Variants in ZBTB20 observed in about 807,000 individuals in gnomAD.
The protein encoded by ZBTB20 is zinc finger and BTB domain containing 20.
In ZBTB20, 9 loss-of-function variants were observed where a neutral mutation model predicts 56.9. That is an observed-to-expected ratio of 0.16 (90% CI 0.10 to 0.28). ZBTB20 has a LOEUF of 0.28. Among genes scored for constraint, ZBTB20 ranks in the 10% least tolerant of loss-of-function variants. The pLI is 1.00. For missense variants in ZBTB20, 655 were observed against 1,003.0 expected (o/e 0.65, Z 4.69); for synonymous variants, 417 against 420.7 (o/e 0.99, Z 0.11).
At chr3:114,590,737 C>T (rs1021572414) in intron 6 of ZBTB20, among the ~76,000 whole-genome samples, 3 of 152,020 alleles carry the variant, frequency 2.0e-5, no homozygotes, top group African/African-American at 2.4e-5. Flanking sequence ...TTTTTTGCTT[C>T]TGAGTAACTG....
chr3:114,684,729 G>C (rs2062219809), intron 6 of ZBTB20: 1 of 152,130 alleles, frequency 6.6e-6, no homozygotes, highest in Non-Finnish European at 1.5e-5. Flanking sequence ...GGTTACAGGA[G>C]AGGAGTTGAT....
At position 114,475,439 on chromosome 3, in the gene ZBTB20, T is replaced by G. The variant is rs2040636414; in HGVS notation, c.-255+24913A>C. ...GGGCAAGACATGTCTTATCTGTGTATCCTCTCCAGTGCCAAGTATACAAGT... is the reference window on the plus strand; with the variant it reads ...GGGCAAGACATGTCTTATCTGTGTAGCCTCTCCAGTGCCAAGTATACAAGT... On this transcript the variant is annotated intron_variant, in intron 7 of 11. Transcript: ENST00000675478. Among the ~76,000 whole-genome samples the G allele has an allele frequency of 2.6e-5, 4 of 152,200 alleles. No individual in the cohort carries two copies. The South Asian group carries it at 8.3e-4, about 32-fold the overall frequency.
intron 2 of ZBTB20, among the ~76,000 whole-genome samples, chr3:115,023,677 C>T (rs2080298315): frequency 6.6e-6 from 1 of 150,918 alleles, no homozygotes; most frequent in South Asian, 2.1e-4. Flanking sequence ...TCCTTCCCTT[C>T]ACTTAATTCC....
chr3:115,114,752 A>G (rs1235727683), intron 1 of ZBTB20, among the ~76,000 whole-genome samples: 2 of 152,160 alleles, frequency 1.3e-5, no homozygotes, highest in Non-Finnish European at 2.9e-5. Flanking sequence ...CCATAACCAC[A>G]GGTCCTTCAA....
chr3:115,121,977 T>C (rs1406392257), intron 1 of ZBTB20, among the ~76,000 whole-genome samples: 3 of 152,068 alleles, frequency 2.0e-5, no homozygotes, highest in Non-Finnish European at 4.4e-5. Context: ...AGTTCAGTGG[T>C]CTTTTTTAAG....
At chr3:114,363,405 C>A (rs1456792422) in intron 10 of ZBTB20, among the ~76,000 whole-genome samples, 2 of 152,090 alleles carry the variant, frequency 1.3e-5, no homozygotes, top group Non-Finnish European at 2.9e-5. Flanking sequence ...TTTTATCTCA[C>A]CTTTTCTGAA....
Position 114,339,555 on chromosome 3 carries a change from T to A in ZBTB20, c.1805-129A>T. The A allele has an allele frequency of 8.8e-7, 1 of 1,142,444 alleles. No homozygotes were observed. Among genetic ancestry groups the A allele is most frequent in the Non-Finnish European group, 1.2e-6 (1 of 834,408 alleles). The allele number at this position is 1,142,444 out of a possible 1,614,324, so 70.8% of individuals were successfully genotyped here. On this transcript the variant is annotated intron_variant, in intron 11 of 11. Transcript: ENST00000675478. The surrounding 1 kb of genome is among the most constrained non-coding windows in gnomAD (Gnocchi z 4.2). The stretch of plus-strand genomic sequence containing the variant: ...AATTAAAAAATAAAATTTGATTGCT[T>A]AATGGATCATCCTCGTTTGGAAAAA...
At chr3:114,882,034 C>G (rs191815872) in intron 4 of ZBTB20, among the ~76,000 whole-genome samples, 1 of 151,440 alleles carries the variant, frequency 6.6e-6, no homozygotes, top group Non-Finnish European at 1.5e-5. Context: ...AATTAATAAC[C>G]AAGAAATATG....
intron 7 of ZBTB20, among the ~76,000 whole-genome samples, chr3:114,424,048 G>A (rs1022056789): frequency 5.3e-5 from 8 of 152,058 alleles, no homozygotes; most frequent in Admixed American, 1.3e-4. Context: ...ACAAATAAGC[G>A]ATTTCCTTGT....
At chr3:114,853,075 G>A (rs2075076217) in intron 4 of ZBTB20, among the ~76,000 whole-genome samples, 1 of 152,164 alleles carries the variant, frequency 6.6e-6, no homozygotes, top group South Asian at 2.1e-4. Flanking sequence ...ATCAACAGTG[G>A]CAAAGGCTGG....
At chr3:115,069,771 G>T (rs1473642064) in intron 2 of ZBTB20, among the ~76,000 whole-genome samples, 1 of 151,672 alleles carries the variant, frequency 6.6e-6, no homozygotes, top group Non-Finnish European at 1.5e-5. Context: ...CATTGATAAT[G>T]ATGATGGCTA....
intron 3 of ZBTB20, among the ~76,000 whole-genome samples, chr3:114,916,983 C>G (rs2107736173): frequency 6.6e-6 from 1 of 152,272 alleles, no homozygotes; most frequent in Non-Finnish European, 1.5e-5. Flanking sequence ...CTTTCTACCT[C>G]TACCTCTCTC....
intron 3 of ZBTB20, among the ~76,000 whole-genome samples, chr3:114,916,795 C>G (rs1387463229): frequency 6.6e-6 from 1 of 152,152 alleles, no homozygotes; most frequent in Non-Finnish European, 1.5e-5. Flanking sequence ...TTTCTTTTCT[C>G]TTTCTACTTT....
At chr3:114,838,103 G>C (rs1256955703) in intron 4 of ZBTB20, among the ~76,000 whole-genome samples, 1 of 152,262 alleles carries the variant, frequency 6.6e-6, no homozygotes, top group African/African-American at 2.4e-5. Flanking sequence ...AAAATATAAA[G>C]AGTAGTTGTA....
chr3:114,369,164 A>G (rs1576409644), intron 10 of ZBTB20, among the ~76,000 whole-genome samples: 1 of 152,222 alleles, frequency 6.6e-6, no homozygotes, highest in African/African-American at 2.4e-5. Flanking sequence ...ACGTGATTAC[A>G]GTAAAAAATT....
At chr3:114,882,048 A>G (rs2076418823) in intron 4 of ZBTB20, among the ~76,000 whole-genome samples, 2 of 151,944 alleles carry the variant, frequency 1.3e-5, no homozygotes, top group South Asian at 4.1e-4. Flanking sequence ...AAATATGTCT[A>G]ACACATACTA....
intron 1 of ZBTB20, among the ~76,000 whole-genome samples, chr3:115,084,399 T>C (rs1206703020): frequency 1.3e-5 from 2 of 151,720 alleles, no homozygotes; most frequent in Admixed American, 6.6e-5. Flanking sequence ...AAAAAAATAC[T>C]GATTTTTAAT....
At chr3:114,561,533 T>C (rs1589435) in intron 6 of ZBTB20, among the ~76,000 whole-genome samples, 81,799 of 151,822 alleles carry the variant, frequency 0.54, 26,068 homozygotes, top group East Asian at 0.84. Flanking sequence ...TCCATCAGAG[T>C]TTTTCGGTGA....
intron 3 of ZBTB20, among the ~76,000 whole-genome samples, chr3:114,918,078 G>A (rs1002199023): frequency 3.4e-5 from 5 of 149,038 alleles, no homozygotes; most frequent in African/African-American, 4.9e-5. Flanking sequence ...CAGCTGAGCT[G>A]GCACGCAAGC....
Sources: gnomAD v4.1 joint callset for allele counts (sites outside exome capture counted in the v4.1 genomes callset) on GRCh38, gnomAD v4.1.1 for gene constraint, Gnocchi (gnomAD v3.1) non-coding constraint, MANE v1.5 for transcripts, NCBI Gene and HGNC (gene_info 2026-07-23, HGNC 2026-07-21) for gene names.